The following CIB4 variants were observed in gnomAD, a reference collection of about 807,000 sequenced individuals.
CIB4 encodes the protein calcium and integrin binding family member 4, also known as calcium and integrin-binding family member 4.
CIB4 carries 25 observed loss-of-function variants against 25.8 expected under a neutral mutation model. The observed-to-expected ratio is 0.97, with a 90% confidence interval of 0.71 to 1.35. The LOEUF (loss-of-function observed/expected upper bound fraction) is 1.35. Ranked by LOEUF, CIB4 falls within the 40% of genes most tolerant of loss-of-function variation. The pLI is 0.00. For synonymous variants in CIB4, 75 were observed against 81.4 expected (o/e 0.92, Z 0.42); for missense variants, 235 against 228.2 (o/e 1.03, Z -0.19).
chr2:26,592,675 A>T (rs977608576), intron 4 of CIB4, among the ~76,000 whole-genome samples: 9 of 151,952 alleles, frequency 5.9e-5, no homozygotes, highest in African/African-American at 2.2e-4. Context: ...CTTCAGATTA[A>T]GTTATTTCTA....
chr2:26,613,881 T>C (rs1669043343), intron 3 of CIB4, among the ~76,000 whole-genome samples: 1 of 152,232 alleles, frequency 6.6e-6, no homozygotes, highest in Non-Finnish European at 1.5e-5. Flanking sequence ...TGGGTGAATG[T>C]GTCCCCGCAT....
chr2:26,638,443 G>A (rs1041195972), intron 2 of CIB4, among the ~76,000 whole-genome samples: 1 of 152,060 alleles, frequency 6.6e-6, no homozygotes, highest in African/African-American at 2.4e-5. Context: ...ATCGATGTTC[G>A]AGAGAGAGCC....
At chr2:26,594,707 A>G (rs1467083771) in intron 4 of CIB4, among the ~76,000 whole-genome samples, 2 of 152,152 alleles carry the variant, frequency 1.3e-5, no homozygotes, top group Non-Finnish European at 2.9e-5. Flanking sequence ...CGAGACAGAG[A>G]CAGAGACCAA....
chr2:26,629,630 A>T, intron 2 of CIB4, 124 bp from the exon 3 acceptor site: 1 of 670,844 alleles, frequency 1.5e-6, no homozygotes, highest in Middle Eastern at 2.5e-4. Flanking sequence ...TTGAGGAAGG[A>T]GACTTGGGGT....
Position 26,626,115 on chromosome 2 carries a change from C to T in CIB4, c.186+3295G>A, listed in dbSNP as rs542677304. Among the ~76,000 whole-genome samples the T allele has an allele frequency of 5.0e-4, 76 of 152,244 alleles. 1 individual carries two copies. The South Asian group carries it at 8.9e-3, about 18-fold the overall frequency. ...TACATGTCTGTTTGTGTACCTTTAC[C>T]ATGCTGTTTTGGTTACTGTAGCCTT... On this transcript the variant is annotated intron_variant, in intron 3 of 6. Coordinates refer to ENST00000288861, the MANE Select transcript of CIB4 (RefSeq NM_001029881.3).
chr2:26,625,349 C>CTTTTT (rs34821747), intron 3 of CIB4, among the ~76,000 whole-genome samples: 1 of 98,604 alleles, frequency 1.0e-5, no homozygotes, highest in Non-Finnish European at 2.0e-5. Context: ...TAAGGACAGC[C>CTTTTT]TTTTTTTTTT....
rs1416750345 is a variant in CIB4 at position 26,641,326 on chromosome 2, C to T, written c.-12G>A. On this transcript the variant is annotated 5_prime_UTR_variant, in exon 1 of 7. Transcript: ENST00000288861. ...AAGCATTGCCCCATGCCAACCACAC[C>T]TTTCTGTCTGCCAGCAGTAGAACCT... 6.2e-7 allele frequency: 1 copy of T among 1,612,678 alleles called. No homozygotes were observed. Among genetic ancestry groups the T allele is most frequent in the Non-Finnish European group, 8.5e-7 (1 of 1,178,890 alleles).
Position 26,615,183 on chromosome 2 carries a change from C to T in CIB4, c.186+14227G>A, listed in dbSNP as rs536900075. The stretch of plus-strand genomic sequence containing the variant: ...GGAGACAGTAACAGTCTGAATGCTA[C>T]TTCCCAGTAAGATGTGGCAGGTAAG... On this transcript the variant is annotated intron_variant, in intron 3 of 6. Transcript: ENST00000288861. Among the ~76,000 whole-genome samples the T allele has an allele frequency of 2.6e-4, 40 of 152,310 alleles. No individual in the cohort carries two copies. In the South Asian group the frequency reaches 7.9e-3, roughly 30 times the overall value.
chr2:26,595,072 C>T, intron 4 of CIB4, 104 bp downstream of exon 4: 1 of 1,152,238 alleles, frequency 8.7e-7, no homozygotes, highest in Non-Finnish European at 1.3e-6. Flanking sequence ...CCCAAGCACA[C>T]CCCAGTTAAT....
At chr2:26,618,700 C>T (rs551534569) in intron 3 of CIB4, among the ~76,000 whole-genome samples, 11 of 152,320 alleles carry the variant, frequency 7.2e-5, no homozygotes, top group African/African-American at 1.7e-4. Flanking sequence ...GAAGGGTCTA[C>T]GTGTGGGTAC....
At chr2:26,596,539 T>C (rs1472641148) in intron 3 of CIB4, among the ~76,000 whole-genome samples, 1 of 151,388 alleles carries the variant, frequency 6.6e-6, no homozygotes, top group Non-Finnish European at 1.5e-5. Flanking sequence ...AGGTCAGGAG[T>C]TCAAGACCAG....
At chr2:26,619,063 G>A (rs569791322) in intron 3 of CIB4, among the ~76,000 whole-genome samples, 2 of 152,160 alleles carry the variant, frequency 1.3e-5, no homozygotes, top group Non-Finnish European at 2.9e-5. Context: ...GACCGAACTC[G>A]GTGCACAACC....
chr2:26,618,159 C>A (rs1386232261), intron 3 of CIB4, among the ~76,000 whole-genome samples: 1 of 152,178 alleles, frequency 6.6e-6, no homozygotes, highest in Non-Finnish European at 1.5e-5. Context: ...TCCACCCCGA[C>A]CTCATCTCAG....
intron 3 of CIB4, among the ~76,000 whole-genome samples, chr2:26,622,448 G>C (rs1411572229): frequency 1.3e-5 from 2 of 152,112 alleles, no homozygotes; most frequent in East Asian, 3.8e-4. Flanking sequence ...GGGAGGGCAG[G>C]GGAACAAGGA....
intron 3 of CIB4, among the ~76,000 whole-genome samples, chr2:26,597,171 C>T (rs964575289): frequency 1.3e-5 from 2 of 152,176 alleles, no homozygotes; most frequent in Admixed American, 6.5e-5. Flanking sequence ...TAGAAACAGA[C>T]TCTTCTGACC....
At chr2:26,601,231 A>AAAAAAAAAAAAAAAAT (rs1395827334) in intron 3 of CIB4, among the ~76,000 whole-genome samples, 1 of 17,236 alleles carries the variant, frequency 5.8e-5, no homozygotes, top group Admixed American at 8.7e-4. Flanking sequence ...AAAAAAAAAA[A>AAAAAAAAAAAAAAAAT]ATATATATAT....
intron 3 of CIB4, among the ~76,000 whole-genome samples, chr2:26,595,690 C>A (rs764640661): frequency 6.6e-6 from 1 of 152,216 alleles, no homozygotes; most frequent in Non-Finnish European, 1.5e-5. Context: ...ACAAGAAGTC[C>A]TGCATCAATT....
chr2:26,609,286 A>G (rs1260570103), intron 3 of CIB4, among the ~76,000 whole-genome samples: 1 of 152,110 alleles, frequency 6.6e-6, no homozygotes, highest in African/African-American at 2.4e-5. Context: ...ACTCCAGGAT[A>G]GAGGCTGAGG....
At chr2:26,592,497 T>A (rs1415681062) in intron 4 of CIB4, among the ~76,000 whole-genome samples, 1 of 152,216 alleles carries the variant, frequency 6.6e-6, no homozygotes, top group African/African-American at 2.4e-5. Flanking sequence ...GTGTCTTACA[T>A]CAAATGTAGG....
Sources: allele counts gnomAD v4.1 joint callset (sites outside exome capture counted in the v4.1 genomes callset), GRCh38; gene constraint gnomAD v4.1.1; transcripts MANE v1.5; gene names NCBI Gene and HGNC (gene_info 2026-07-23, HGNC 2026-07-21).